Variants in KCNMB3 observed in about 807,000 individuals in gnomAD.
The protein encoded by KCNMB3 is calcium-activated potassium channel subunit beta-3.
Under a neutral mutation model 11.9 loss-of-function variants are expected in KCNMB3, and 18 were observed. That is an observed-to-expected ratio of 1.51 (90% CI 1.04 to 2.23). The LOEUF (loss-of-function observed/expected upper bound fraction) is 2.23. Ranked by LOEUF, KCNMB3 falls within the 30% of genes most tolerant of loss-of-function variation. The pLI is 0.00. For missense variants in KCNMB3, 247 were observed against 329.4 expected (o/e 0.75, Z 1.94); for synonymous variants, 78 against 119.2 (o/e 0.65, Z 2.25).
At chr3:179,244,468 A>C in intron 2 of KCNMB3, 27 bp downstream of exon 2, 3 of 1,595,222 alleles carry the variant, frequency 1.9e-6, no homozygotes, top group Non-Finnish European at 2.6e-6. Flanking sequence ...GGTTGCTGTC[A>C]TAAGAACTCT....
At chr3:179,257,578 A>G (rs1157499484) in intron 1 of KCNMB3, among the ~76,000 whole-genome samples, 2 of 152,242 alleles carry the variant, frequency 1.3e-5, no homozygotes, top group Non-Finnish European at 2.9e-5. Flanking sequence ...CAAAATACCA[A>G]AAGTGATTCA....
At chr3:179,265,602 G>A (rs553839599) in intron 1 of KCNMB3, among the ~76,000 whole-genome samples, 48 of 152,148 alleles carry the variant, frequency 3.2e-4, no homozygotes, top group East Asian at 2.5e-3. Context: ...GATTACAGGC[G>A]CGCCACCACC....
At chr3:179,245,176 G>C (rs550184542) in intron 1 of KCNMB3, among the ~76,000 whole-genome samples, 1 of 152,120 alleles carries the variant, frequency 6.6e-6, no homozygotes, top group African/African-American at 2.4e-5. Flanking sequence ...CCTCACTCAG[G>C]AATCTCATCA....
chr3:179,257,154 C>T (rs1279217499), intron 1 of KCNMB3, among the ~76,000 whole-genome samples: 1 of 152,074 alleles, frequency 6.6e-6, no homozygotes, highest in African/African-American at 2.4e-5. Flanking sequence ...TAGGTGAGAC[C>T]CTATCTCTAA....
At chr3:179,258,967 G>C (rs1159995440) in intron 1 of KCNMB3, 1 of 1,613,988 alleles carries the variant, frequency 6.2e-7, no homozygotes, top group Non-Finnish European at 8.5e-7. Flanking sequence ...GGAGAGAAAA[G>C]AGCCCCTCAC....
At chr3:179,254,857 C>G (rs891892316), upstream of KCNMB3, among the ~76,000 whole-genome samples, 4 of 151,940 alleles carry the variant, frequency 2.6e-5, no homozygotes, top group Admixed American at 2.0e-4. Flanking sequence ...TATATGCACT[C>G]ATTTAGAAGT....
intron 1 of KCNMB3, among the ~76,000 whole-genome samples, chr3:179,263,181 G>T (rs891673413): frequency 1.3e-4 from 20 of 152,362 alleles, no homozygotes; most frequent in Middle Eastern, 6.8e-3. Context: ...CGGGCTGCAG[G>T]TCCCAAGCCC....
At chr3:179,240,728 CTG>C (rs982990849), downstream of KCNMB3, 4 of 152,206 alleles carry the variant, frequency 2.6e-5, no homozygotes, top group East Asian at 1.9e-4. Flanking sequence ...AAATGGAAAA[CTG>C]TGGTAATTGA....
intron 1 of KCNMB3, among the ~76,000 whole-genome samples, chr3:179,249,330 AAAAT>A (rs1032682249): frequency 4.7e-5 from 7 of 150,250 alleles, no homozygotes; most frequent in African/African-American, 1.5e-4. Flanking sequence ...TTCTCTTAAA[AAAAT>A]AAATAAATAA....
chr3:179,246,552 C>T (rs573192796), intron 1 of KCNMB3, among the ~76,000 whole-genome samples: 12 of 152,196 alleles, frequency 7.9e-5, no homozygotes, highest in African/African-American at 2.9e-4. Flanking sequence ...TTAACATGGC[C>T]TCAAGGTCTG....
chr3:179,261,774 C>T (rs1726224984), intron 1 of KCNMB3, among the ~76,000 whole-genome samples: 3 of 152,102 alleles, frequency 2.0e-5, no homozygotes, highest in African/African-American at 7.2e-5. Flanking sequence ...ATAGCTAATA[C>T]TCTGAAGTTT....
intron 1 of KCNMB3, among the ~76,000 whole-genome samples, chr3:179,248,459 G>A (rs1187581754): frequency 6.6e-6 from 1 of 152,142 alleles, no homozygotes; most frequent in African/African-American, 2.4e-5. Flanking sequence ...CAGGCATGGT[G>A]GCTCATGCCT....
At position 179,265,949 on chromosome 3, in the gene KCNMB3, TC is replaced by T. The variant is rs1341369574; in HGVS notation, c.62+699del. Among the ~76,000 whole-genome samples, 7 of 152,032 alleles carry T rather than the reference TC, an allele frequency of 4.6e-5. No individual in the cohort carries two copies. The East Asian group carries it at 1.4e-3, about 29-fold the overall frequency. On this transcript the variant is annotated intron_variant, in intron 1 of 3. Transcript: ENST00000349697. Reference sequence around the variant, plus strand: ...CGGGTCCTGAAAATAATCTCTCACTTCCCCCTTTAAGGAGAAGAGTAGGGTG... The same window carrying T: ...CGGGTCCTGAAAATAATCTCTCACTTCCCCTTTAAGGAGAAGAGTAGGGTG...
upstream of KCNMB3, chr3:179,251,297 A>G (rs1407836059): frequency 1.4e-6 from 2 of 1,447,890 alleles, no homozygotes; most frequent in East Asian, 2.5e-5. Context: ...ATTTGTTTAC[A>G]TTCTCCTTTG....
In KCNMB3 at chr3:179,262,829, G is replaced by C. The variant is rs141576872; in HGVS notation, c.62+3820C>G. On this transcript the variant is annotated intron_variant, in intron 1 of 3. Transcript: ENST00000349697. ...CACCAGAGTAGCTAGATACAGTGTC[G>C]ATTGGTGCATTCACAAACCCTGAGC... Among the ~76,000 whole-genome samples the C allele has an allele frequency of 3.9e-5, 6 of 152,276 alleles. No homozygotes were observed. In the East Asian group the frequency reaches 9.6e-4, roughly 24 times the overall value.
upstream of KCNMB3, chr3:179,251,526 T>C: frequency 7.4e-7 from 1 of 1,358,816 alleles, no homozygotes; most frequent in Non-Finnish European, 9.4e-7. Context: ...CTCATGGTTC[T>C]GCATAAGTGT....
chr3:179,244,811 G>A, intron 1 of KCNMB3, 118 bp from the exon 2 acceptor site: 2 of 825,048 alleles, frequency 2.4e-6, no homozygotes, highest in Non-Finnish European at 3.9e-6. Context: ...AGGCATTTGT[G>A]TATTTTGAGG....
upstream of KCNMB3, chr3:179,251,276 C>T: frequency 5.5e-6 from 8 of 1,451,112 alleles, no homozygotes; most frequent in Non-Finnish European, 7.2e-6. Context: ...TATTGCACGT[C>T]CCTCCTGAAA....
At chr3:179,263,804 T>TTC (rs1560162631) in intron 1 of KCNMB3, among the ~76,000 whole-genome samples, 3 of 125,874 alleles carry the variant, frequency 2.4e-5, no homozygotes, top group African/African-American at 9.1e-5. Flanking sequence ...TCTTTTCTTT[T>TTC]TTTTTTTTTT....
Sources: gnomAD v4.1 joint callset for allele counts (sites outside exome capture counted in the v4.1 genomes callset) on GRCh38, gnomAD v4.1.1 for gene constraint, MANE v1.5 for transcripts, NCBI Gene and HGNC (gene_info 2026-07-23, HGNC 2026-07-21) for gene names.